The following USH2A variants were observed in gnomAD, a reference collection of about 807,000 sequenced individuals.
The protein encoded by USH2A is Usher syndrome 2A (autosomal recessive, mild).
Under a neutral mutation model 538.9 loss-of-function variants are expected in USH2A, and 443 were observed. The observed-to-expected ratio is 0.82, with a 90% CI of 0.76 to 0.89. USH2A has a LOEUF of 0.89. Ranked by LOEUF, USH2A falls within the 40% of genes least tolerant of loss-of-function variation. The pLI is 0.00. For synonymous variants in USH2A, 2,413 were observed against 2,273.5 expected (o/e 1.06, Z -1.75); for missense variants, 6,633 against 6,324.8 (o/e 1.05, Z -1.65).
In USH2A at chr1:215,960,542, C is replaced by T. The variant is rs190716122; in HGVS notation, c.7120+4775G>A. Among the ~76,000 whole-genome samples the T allele has an allele frequency of 2.0e-4, 30 of 152,162 alleles. No homozygotes were observed. The East Asian group carries it at 4.6e-3, about 24-fold the overall frequency. On this transcript the variant is annotated intron_variant, in intron 37 of 71. Coordinates refer to ENST00000307340, the MANE Select transcript of USH2A (RefSeq NM_206933.4). ...CCCTTGAGAGTCATTGAGCAAAGCA[C>T]TTATTCCAGGTCAGTAAATGGCACT...
chr1:216,029,475 G>A (rs1477349741), intron 32 of USH2A, among the ~76,000 whole-genome samples: 1 of 151,946 alleles, frequency 6.6e-6, no homozygotes, highest in Non-Finnish European at 1.5e-5. Context: ...ATTATGTTAT[G>A]TTACATATGT....
At chr1:216,198,717 T>A (rs1048626267) in intron 17 of USH2A, 133 bp from the exon 18 acceptor site, 36 of 868,882 alleles carry the variant, frequency 4.1e-5, no homozygotes, top group Non-Finnish European at 6.0e-5. Flanking sequence ...TCAATTTCTT[T>A]AGCATTCAAA....
intron 55 of USH2A, among the ~76,000 whole-genome samples, chr1:215,776,107 G>A (rs1283890719): frequency 6.6e-6 from 1 of 152,106 alleles, no homozygotes; most frequent in Non-Finnish European, 1.5e-5. Flanking sequence ...TGTAGAGGTA[G>A]CCCAAAGTGA....
intron 9 of USH2A, among the ~76,000 whole-genome samples, chr1:216,314,347 T>G (rs576005314): frequency 6.6e-6 from 1 of 152,256 alleles, no homozygotes; most frequent in Admixed American, 6.5e-5. Context: ...ATTCTTTACC[T>G]TGACTTACTA....
intron 55 of USH2A, among the ~76,000 whole-genome samples, chr1:215,778,836 C>A (rs1661538961): frequency 6.6e-6 from 1 of 152,188 alleles, no homozygotes; most frequent in South Asian, 2.1e-4. Context: ...AATTACTTAA[C>A]TTCTCAAAGT....
At chr1:215,653,570 A>G (rs778244287) in intron 64 of USH2A, among the ~76,000 whole-genome samples, 1 of 152,222 alleles carries the variant, frequency 6.6e-6, no homozygotes, top group Non-Finnish European at 1.5e-5. Flanking sequence ...GAATTTCACA[A>G]AACTTGTATG....
chr1:215,786,867 T>C lies in USH2A; in HGVS notation c.10190A>G (p.Lys3397Arg), dbSNP rs1571686406. The C allele has an allele frequency of 6.2e-7, 1 of 1,613,806 alleles. No homozygotes were observed. Among genetic ancestry groups the C allele is most frequent in the East Asian group, 2.2e-5 (1 of 44,872 alleles). ...ISTGMMMKET[K>R]ECRILCPASM... The stretch of plus-strand genomic sequence containing the variant: ...TGCTGGGCAGAGGATCCTGCACTCT[T>C]TGGTTTCCTGAGTCAAGTGGCAGGG... The change falls in exon 52 of 72, where the codon AAA becomes AGA. Residue 3397 changes from lysine to arginine, a missense_variant. By Grantham distance (26) the Lys-to-Arg change is conservative. Coordinates refer to ENST00000307340, the MANE Select transcript of USH2A (RefSeq NM_206933.4).
At chr1:216,170,128 T>A (rs1238471138) in intron 21 of USH2A, among the ~76,000 whole-genome samples, 4 of 152,128 alleles carry the variant, frequency 2.6e-5, no homozygotes, top group Non-Finnish European at 5.9e-5. Context: ...AGCTTTCTTT[T>A]AATGAAGTGC....
At chr1:215,874,405 A>C (rs1243155928) in intron 43 of USH2A, among the ~76,000 whole-genome samples, 4 of 152,212 alleles carry the variant, frequency 2.6e-5, no homozygotes, top group African/African-American at 4.8e-5. Context: ...ACCTAAGATA[A>C]TCATAAGAGC....
chr1:216,323,158 A>T (rs2037650260), intron 8 of USH2A, among the ~76,000 whole-genome samples: 1 of 151,334 alleles, frequency 6.6e-6, no homozygotes, highest in African/African-American at 2.4e-5. Flanking sequence ...ATCAAGTAAA[A>T]TATTGGATAA....
At chr1:215,820,177 A>C (rs1338873859) in intron 47 of USH2A, among the ~76,000 whole-genome samples, 1 of 151,638 alleles carries the variant, frequency 6.6e-6, no homozygotes, top group African/African-American at 2.4e-5. Context: ...TTAGATTTTA[A>C]AGTAATAGGA....
intron 14 of USH2A, among the ~76,000 whole-genome samples, chr1:216,227,941 GCA>G (rs2035593223): frequency 6.6e-6 from 1 of 152,166 alleles, no homozygotes; most frequent in Non-Finnish European, 1.5e-5. Flanking sequence ...CCACAGTACA[GCA>G]GAAGGGAGCC....
chr1:216,093,916 A>T (rs2032374089), intron 22 of USH2A, among the ~76,000 whole-genome samples: 1 of 152,294 alleles, frequency 6.6e-6, no homozygotes. Flanking sequence ...AAACCACTCT[A>T]TGACCGTAGT....
At chr1:215,952,801 C>T (rs1340185891) in intron 37 of USH2A, among the ~76,000 whole-genome samples, 3 of 152,284 alleles carry the variant, frequency 2.0e-5, no homozygotes, top group Admixed American at 6.5e-5. Context: ...TTCTCTATGG[C>T]TGCCCTTAAC....
At chr1:216,231,237 T>TATATATATATAAATTATATATATA (rs2035672856) in intron 14 of USH2A, among the ~76,000 whole-genome samples, 1 of 41,234 alleles carries the variant, frequency 2.4e-5, no homozygotes, top group Non-Finnish European at 5.0e-5. Flanking sequence ...ATATCCCATA[T>TATATATATATAAATTATATATATA]ATATATATAT....
intron 64 of USH2A, among the ~76,000 whole-genome samples, chr1:215,651,671 A>G (rs1205714711): frequency 1.3e-5 from 2 of 152,184 alleles, no homozygotes; most frequent in Non-Finnish European, 2.9e-5. Flanking sequence ...ATTGAAAAAA[A>G]AAAAAAGCAT....
At chr1:216,281,094 A>G (rs1222762678) in intron 11 of USH2A, among the ~76,000 whole-genome samples, 1 of 152,212 alleles carries the variant, frequency 6.6e-6, no homozygotes, top group African/African-American at 2.4e-5. Flanking sequence ...TAGACTTGAC[A>G]CAATATCTCC....
intron 20 of USH2A, among the ~76,000 whole-genome samples, chr1:216,177,609 G>T (rs560935006): frequency 6.6e-6 from 1 of 152,236 alleles, no homozygotes; most frequent in South Asian, 2.1e-4. Context: ...TGGAGCAGTA[G>T]TGACCTCATG....
In USH2A at chr1:216,418,568, T is replaced by C. The variant is rs2039615023; in HGVS notation, c.597A>G (p.Lys199=). 2 of 1,613,314 alleles carry C rather than the reference T, an allele frequency of 1.2e-6. No individual in the cohort carries two copies. The highest frequency in any genetic ancestry group is 1.3e-5 in the African/African-American group (1 of 74,874). The change falls in exon 3 of 72, where the codon AAA becomes AAG. Residue 199 remains lysine (K), a synonymous_variant. Coordinates refer to ENST00000307340, the MANE Select transcript of USH2A (RefSeq NM_206933.4). The stretch of plus-strand genomic sequence containing the variant: ...CAAGAATTCTCCCCAGTGTCATTAC[T>C]TTTATTGGAGGTTGCAAACCATTTA... The part of the protein sequence containing the change: ...RTVNGLQPPI[K]VMTLGRILVK...
Sources: gnomAD v4.1 joint callset for allele counts (sites outside exome capture counted in the v4.1 genomes callset) on GRCh38, gnomAD v4.1.1 for gene constraint, MANE v1.5 for transcripts, NCBI Gene and HGNC (gene_info 2026-07-23, HGNC 2026-07-21) for gene names.